Variants in RBMS1 observed in about 807,000 individuals in gnomAD.
The protein encoded by RBMS1 is RNA binding motif single stranded interacting protein 1, also known as RNA-binding motif, single-stranded-interacting protein 1.
RBMS1 carries 17 observed loss-of-function variants against 62.3 expected under a neutral mutation model. The ratio of observed to expected loss-of-function variants is 0.27; its 90% confidence interval spans 0.19 to 0.41. The LOEUF is 0.41. RBMS1 is among the 10% of genes least tolerant of loss of function. RBMS1 has a pLI of 1.00. For synonymous variants in RBMS1, 172 were observed against 170.0 expected (o/e 1.01, Z -0.09); for missense variants, 334 against 504.5 (o/e 0.66, Z 3.24).
At chr2:160,438,310 G>T (rs1199509072) in intron 1 of RBMS1, among the ~76,000 whole-genome samples, 3 of 150,312 alleles carry the variant, frequency 2.0e-5, no homozygotes, top group Non-Finnish European at 4.4e-5. Flanking sequence ...CTCGCAGAGG[G>T]GGATTTGGCA....
chr2:160,332,497 T>G (rs1341966455), intron 2 of RBMS1, among the ~76,000 whole-genome samples: 1 of 152,166 alleles, frequency 6.6e-6, no homozygotes, highest in Admixed American at 6.6e-5. Context: ...TCTCTGGGAT[T>G]CAGCTGAAGT....
chr2:160,447,032 A>G (rs552870604), intron 1 of RBMS1, among the ~76,000 whole-genome samples: 1 of 152,380 alleles, frequency 6.6e-6, no homozygotes, highest in South Asian at 2.1e-4. Flanking sequence ...AATGCAAAGT[A>G]GAATGTGTTA....
intron 1 of RBMS1, chr2:160,492,943 C>A: frequency 4.1e-6 from 1 of 246,828 alleles, no homozygotes; most frequent in Non-Finnish European, 7.7e-6. Flanking sequence ...GATCCAGACG[C>A]GCACACCAGG....
Position 160,493,444 on chromosome 2 carries a change from CCGGCGGCGGCGGCAGCGG to C in RBMS1, c.-99_-82del, listed in dbSNP as rs1488947233. 45 of 1,410,444 alleles carry C rather than the reference CCGGCGGCGGCGGCAGCGG, an allele frequency of 3.2e-5. No homozygotes were observed. The highest frequency in any genetic ancestry group is 4.2e-5 in the Non-Finnish European group (42 of 1,007,522). The allele number at this position is 1,410,444 out of a possible 1,614,324, so 87.4% of individuals were successfully genotyped here. A position where few individuals can be genotyped will look rare whatever the true frequency, so the allele number is the denominator to read the frequency against. The stretch of plus-strand genomic sequence containing the variant: ...CTCGGGCTCTCCTGCCTCTCCCTTT[CCGGCGGCGGCGGCAGCGG>C]CGGCGGCGGCGGCGGCTGCTGCTGC... On this transcript the variant is annotated 5_prime_UTR_variant, in exon 1 of 14. Coordinates refer to ENST00000348849, the MANE Select transcript of RBMS1 (RefSeq NM_016836.4).
At chr2:160,337,135 CTTTTTTTTTT>C (rs768216149) in intron 2 of RBMS1, among the ~76,000 whole-genome samples, 1 of 136,400 alleles carries the variant, frequency 7.3e-6, no homozygotes, top group Non-Finnish European at 1.6e-5. Context: ...TTTTTCTTTT[CTTTTTTTTTT>C]TTTTTTGAGC....
chr2:160,477,070 T>C (rs1293981711), intron 1 of RBMS1, among the ~76,000 whole-genome samples: 1 of 152,264 alleles, frequency 6.6e-6, no homozygotes, highest in Admixed American at 6.5e-5. Context: ...TGTCACTTAA[T>C]GCAAGTTAAA....
intron 2 of RBMS1, among the ~76,000 whole-genome samples, chr2:160,360,727 A>C (rs1261880860): frequency 6.6e-6 from 1 of 152,170 alleles, no homozygotes; most frequent in Non-Finnish European, 1.5e-5. Flanking sequence ...TTTAAGACTG[A>C]GATGTCATCT....
intron 11 of RBMS1, chr2:160,278,261 A>C: frequency 2.4e-6 from 1 of 408,720 alleles, no homozygotes. Flanking sequence ...TGCCACAGGG[A>C]CAGTGGTACT....
chr2:160,328,473 GT>G lies in RBMS1; in HGVS notation c.252-10247del, dbSNP rs760471285. 1.1e-4 allele frequency among the ~76,000 whole-genome samples: 16 copies of G among 151,526 alleles called. No individual in the cohort carries two copies. In the East Asian group the frequency reaches 2.1e-3, roughly 20 times the overall value. ...GTTTGAGTGAATAAAATATAAACAT[GT>G]AATATGATTTTCCCCCAAAAAGTGT... On this transcript the variant is annotated intron_variant, in intron 2 of 13. Coordinates refer to ENST00000348849, the MANE Select transcript of RBMS1 (RefSeq NM_016836.4).
At chr2:160,441,533 G>T (rs1196846896) in intron 1 of RBMS1, among the ~76,000 whole-genome samples, 2 of 152,150 alleles carry the variant, frequency 1.3e-5, no homozygotes, top group Non-Finnish European at 2.9e-5. Flanking sequence ...AGACCAACCT[G>T]GGGAACATGG....
chr2:160,409,649 A>G (rs1050866131), intron 1 of RBMS1, among the ~76,000 whole-genome samples: 6 of 152,214 alleles, frequency 3.9e-5, no homozygotes, highest in African/African-American at 1.4e-4. Context: ...CTGTGCATCT[A>G]TGGAAAAAAT....
chr2:160,306,979 T>C (rs946456336), intron 4 of RBMS1, among the ~76,000 whole-genome samples: 3 of 152,130 alleles, frequency 2.0e-5, no homozygotes, highest in African/African-American at 7.2e-5. Context: ...CAGGCCTCCT[T>C]TGTCCCTAGG....
intron 1 of RBMS1, among the ~76,000 whole-genome samples, chr2:160,443,771 C>A (rs532476246): frequency 6.6e-6 from 1 of 152,304 alleles, no homozygotes; most frequent in African/African-American, 2.4e-5. Flanking sequence ...TATAGCAATG[C>A]AAGAATGGCC....
intron 4 of RBMS1, among the ~76,000 whole-genome samples, chr2:160,305,990 G>A (rs1186928881): frequency 1.3e-5 from 2 of 152,086 alleles, no homozygotes; most frequent in Non-Finnish European, 2.9e-5. Flanking sequence ...TCAGCGAGAT[G>A]TAGTGGTGCC....
intron 1 of RBMS1, among the ~76,000 whole-genome samples, chr2:160,410,328 G>A (rs1695976488): frequency 6.6e-6 from 1 of 151,022 alleles, no homozygotes; most frequent in Non-Finnish European, 1.5e-5. Flanking sequence ...CATAAAAGGA[G>A]AGAATATAAG....
intron 2 of RBMS1, among the ~76,000 whole-genome samples, chr2:160,359,829 G>A (rs1052395983): frequency 6.6e-6 from 1 of 152,154 alleles, no homozygotes; most frequent in Non-Finnish European, 1.5e-5. Flanking sequence ...TTAGCAGATG[G>A]ATTGCTTAAG....
At chr2:160,451,162 A>AAAAAAAAT (rs1376558813) in intron 1 of RBMS1, among the ~76,000 whole-genome samples, 15 of 150,410 alleles carry the variant, frequency 1.0e-4, no homozygotes, top group Non-Finnish European at 2.1e-4. Context: ...GCTTCAGAAA[A>AAAAAAAAT]AAAAAAATAA....
intron 2 of RBMS1, among the ~76,000 whole-genome samples, chr2:160,326,470 G>A (rs554085116): frequency 2.0e-5 from 3 of 152,268 alleles, no homozygotes; most frequent in East Asian, 3.9e-4. Context: ...GGGCTCTGTA[G>A]GACAATAAAG....
chr2:160,356,045 A>ATTATT lies in RBMS1; in HGVS notation c.251+11166_251+11170dup, dbSNP rs1692781372. On this transcript the variant is annotated intron_variant, in intron 2 of 13. Transcript: ENST00000348849. ...AAAACTATAATGTTCTTATATGCCC[A>ATTATT]TTATTTTCTAAAGCAGTATTAGGAC... Among the ~76,000 whole-genome samples the ATTATT allele has an allele frequency of 2.6e-5, 4 of 152,260 alleles. No individual in the cohort carries two copies. The South Asian group carries it at 8.3e-4, about 32-fold the overall frequency.
Sources: allele counts gnomAD v4.1 joint callset (sites outside exome capture counted in the v4.1 genomes callset), GRCh38; gene constraint gnomAD v4.1.1; transcripts MANE v1.5; gene names NCBI Gene and HGNC (gene_info 2026-07-23, HGNC 2026-07-21).